The following SMG5 variants were observed in gnomAD, a reference collection of about 807,000 sequenced individuals.
SMG5 encodes the protein SMG5 nonsense mediated mRNA decay factor.
Under a neutral mutation model 122.9 loss-of-function variants are expected in SMG5, and 53 were observed. The observed-to-expected ratio is 0.43, with a 90% CI of 0.35 to 0.54. The LOEUF (loss-of-function observed/expected upper bound fraction) is 0.54. Ranked by LOEUF, SMG5 falls within the 20% of genes least tolerant of loss-of-function variation. The pLI is 0.01. For synonymous variants in SMG5, 477 were observed against 490.2 expected, an observed-to-expected ratio of 0.97 and a Z score of 0.35; for missense variants, 1,153 against 1,285.6, an observed-to-expected ratio of 0.90 and a Z score of 1.58.
intron 11 of SMG5, 57 bp from the exon 12 acceptor site, chr1:156,266,437 G>A: frequency 6.2e-7 from 1 of 1,600,772 alleles, no homozygotes; most frequent in South Asian, 1.1e-5. Flanking sequence ...CTGGAAGCTG[G>A]AATGTGCTCT....
chr1:156,286,402 GCTTTCCACTTAC>G, upstream of SMG5: 1 of 1,614,206 alleles, frequency 6.2e-7, no homozygotes, highest in Non-Finnish European at 8.5e-7. Context: ...ACCTGGCCGT[GCTTTCCACTTAC>G]CTGCCCCAGG....
Position 156,266,165 on chromosome 1 carries a change from C to G in SMG5, c.1471G>C (p.Glu491Gln). The stretch of plus-strand genomic sequence containing the variant: ...TTGTCAGAGCCACTGTCTGAGCCCT[C>G]ACTGGCCCGGGCTGAGTCATGGCTT... ...DSSHDSARAS[E>Q]GSDSGSDKSL... is the part of the protein sequence containing the mutation. The change falls in exon 12 of 22, where the codon GAG (glutamate) becomes CAG (glutamine). Residue 491 changes from glutamate (E) to glutamine (Q), a missense_variant. By Grantham distance (29) the Glu-to-Gln change is conservative. Transcript: ENST00000361813. 1 of 1,614,254 alleles carries G rather than the reference C, an allele frequency of 6.2e-7. No homozygotes were observed. Among genetic ancestry groups the G allele is most frequent in the South Asian group, 1.1e-5 (1 of 91,088 alleles).
At chr1:156,270,763 T>C (rs1395028837) in intron 7 of SMG5, among the ~76,000 whole-genome samples, 1 of 152,140 alleles carries the variant, frequency 6.6e-6, no homozygotes, top group Non-Finnish European at 1.5e-5. Flanking sequence ...ATCCCAACAC[T>C]TTGGGAGGCC....
At chr1:156,257,348 A>G (rs1318708630) in intron 16 of SMG5, among the ~76,000 whole-genome samples, 3 of 152,136 alleles carry the variant, frequency 2.0e-5, no homozygotes, top group Non-Finnish European at 4.4e-5. Flanking sequence ...GATAAATGTG[A>G]TAACGACAAC....
the SMG5 span, chr1:156,290,275 CTCTTCT>C: frequency 6.5e-6 from 1 of 153,590 alleles, no homozygotes; most frequent in Non-Finnish European, 1.5e-5. Flanking sequence ...ATCACACTGG[CTCTTCT>C]TCTTCCTTCT....
chr1:156,288,889 G>T, the SMG5 span, among the ~76,000 whole-genome samples: 3 of 152,250 alleles, frequency 2.0e-5, no homozygotes, highest in South Asian at 6.2e-4. Flanking sequence ...ATAGAAGTTG[G>T]CTTAAGCAGT....
chr1:156,269,606 T>C lies in SMG5; in HGVS notation c.714-1191A>G, dbSNP rs1027161700. On this transcript the variant is annotated intron_variant, in intron 7 of 21. Transcript: ENST00000361813. The stretch of plus-strand genomic sequence containing the variant: ...AAAAAATTAGCCAGGCTGGGTGCAG[T>C]GGCTCACACCTGTAATCCCAGCACT... Among the ~76,000 whole-genome samples, 3 of 151,862 alleles carry C rather than the reference T, an allele frequency of 2.0e-5. No homozygotes were observed. In the East Asian group the frequency reaches 5.8e-4, roughly 30 times the overall value.
chr1:156,250,398 G>A lies in SMG5; in HGVS notation c.*189C>T. 1 of 622,020 alleles carries A rather than the reference G, an allele frequency of 1.6e-6. No homozygotes were observed. Among genetic ancestry groups the A allele is most frequent in the Non-Finnish European group, 2.9e-6 (1 of 347,388 alleles). 38.5% of individuals were successfully genotyped at this position (622,020 alleles called of 1,614,324 possible). On this transcript the variant is annotated 3_prime_UTR_variant, in exon 22 of 22. Coordinates refer to ENST00000361813, the MANE Select transcript of SMG5 (RefSeq NM_015327.3). ...CTTTCCTCGCTTTCCTAACGTCTTG[G>A]CAACAAAGGGACCCCACCCTCCCAG...
chr1:156,278,095 C>A, intron 2 of SMG5, 47 bp from the exon 3 acceptor site: 1 of 1,608,062 alleles, frequency 6.2e-7, no homozygotes, highest in Non-Finnish European at 8.5e-7. Flanking sequence ...TCCCTTGGAG[C>A]AGGGACATAA....
chr1:156,252,273 C>T (rs1262744878), intron 19 of SMG5, 141 bp downstream of exon 19: 2 of 692,262 alleles, frequency 2.9e-6, no homozygotes, highest in African/African-American at 3.6e-5. Flanking sequence ...GTATCACTCC[C>T]CAGGCAGTGA....
At chr1:156,269,426 AAAAC>A (rs749143783) in intron 7 of SMG5, among the ~76,000 whole-genome samples, 1 of 152,144 alleles carries the variant, frequency 6.6e-6, no homozygotes, top group Non-Finnish European at 1.5e-5. Context: ...TGTCTTACTA[AAAAC>A]AAACAAACAC....
At chr1:156,267,752 T>C (rs1170040226) in intron 9 of SMG5, 74 bp from the exon 10 acceptor site, 2 of 1,330,096 alleles carry the variant, frequency 1.5e-6, no homozygotes, top group Non-Finnish European at 2.1e-6. Context: ...GAATACAAGA[T>C]TCAGAGAAAG....
intron 2 of SMG5, 89 bp from the exon 3 acceptor site, chr1:156,278,137 C>A: frequency 3.3e-6 from 5 of 1,510,718 alleles, no homozygotes; most frequent in Non-Finnish European, 4.5e-6. Context: ...GTGCCAACAC[C>A]CCCACCAACA....
intron 12 of SMG5, 33 bp from the exon 13 acceptor site, chr1:156,263,603 TG>T: frequency 6.2e-7 from 1 of 1,603,638 alleles, no homozygotes; most frequent in Non-Finnish European, 8.5e-7. Context: ...AGAAAAAAAC[TG>T]GGATAAACAA....
chr1:156,259,773 A>AC (rs1661738663), intron 15 of SMG5, among the ~76,000 whole-genome samples: 1 of 152,092 alleles, frequency 6.6e-6, no homozygotes, highest in Non-Finnish European at 1.5e-5. Context: ...CAAGCGATCC[A>AC]CCTGCCTTGG....
chr1:156,265,946 C>T lies in SMG5; in HGVS notation c.1690G>A (p.Ala564Thr), dbSNP rs1244145332. The T allele has an allele frequency of 6.2e-7, 1 of 1,614,064 alleles. No individual in the cohort carries two copies. The highest frequency in any genetic ancestry group is 8.5e-7 in the Non-Finnish European group (1 of 1,180,034). ...GPLGPSEASI[A>T]SNLQAMSTQM... ...GTGGACATGGCTTGTAGATTGCTGG[C>T]AATGCTAGCCTCACTGGGGCCCAGT... The change falls in exon 12 of 22, where the codon GCC becomes ACC. Residue 564 changes from alanine to threonine, a missense_variant. Physicochemically the swap from Ala to Thr is moderately conservative, Grantham distance 58. Around this residue, in one of 5 missense-constraint regions of SMG5, gnomAD observed 631 missense variants for 650.6 expected, o/e 0.97. Transcript: ENST00000361813.
upstream of SMG5, chr1:156,286,264 C>T: frequency 6.2e-7 from 1 of 1,614,068 alleles, no homozygotes; most frequent in East Asian, 2.2e-5. Context: ...ACCCAGGGAT[C>T]CTGGTGTACG....
chr1:156,286,652 GAAGC>G (rs935456526), upstream of SMG5, among the ~76,000 whole-genome samples: 4 of 152,186 alleles, frequency 2.6e-5, no homozygotes, highest in Middle Eastern at 3.2e-3. Flanking sequence ...TCAGCAGATG[GAAGC>G]CGATTTCAGA....
At chr1:156,268,040 T>TG (rs1306490490) in intron 9 of SMG5, 75 bp downstream of exon 9, 3 of 1,481,886 alleles carry the variant, frequency 2.0e-6, no homozygotes, top group Admixed American at 1.9e-5. Flanking sequence ...AGTCCACCCT[T>TG]GTCAAGGTTC....
Sources: allele counts gnomAD v4.1 joint callset (sites outside exome capture counted in the v4.1 genomes callset), GRCh38; gene constraint gnomAD v4.1.1; regional missense constraint gnomAD v4.1.1; transcripts MANE v1.5; gene names NCBI Gene and HGNC (gene_info 2026-07-23, HGNC 2026-07-21).